Variants in UVRAG observed in about 807,000 individuals in gnomAD.
UVRAG encodes UV radiation resistance associated.
In UVRAG, 19 loss-of-function variants were observed where a neutral mutation model predicts 78.0. That is an observed-to-expected ratio of 0.24 (90% confidence interval 0.17 to 0.36). UVRAG has a LOEUF of 0.36. Among genes scored for constraint, UVRAG ranks in the 10% least tolerant of loss-of-function variants. The pLI, the probability that UVRAG is intolerant of heterozygous loss-of-function variation, is 1.00. For missense variants in UVRAG, 740 were observed against 853.8 expected (o/e 0.87, Z 1.66); for synonymous variants, 323 against 324.6 (o/e 1.00, Z 0.05).
intron 13 of UVRAG, among the ~76,000 whole-genome samples, chr11:76,090,828 G>A (rs1951683646): frequency 6.6e-6 from 1 of 152,210 alleles, no homozygotes; most frequent in South Asian, 2.1e-4. Context: ...TACATATCGG[G>A]TATTCACACA....
At chr11:75,917,501 C>A (rs1476866523) in intron 6 of UVRAG, among the ~76,000 whole-genome samples, 1 of 152,190 alleles carries the variant, frequency 6.6e-6, no homozygotes, top group African/African-American at 2.4e-5. Context: ...TAGGTACTCT[C>A]TTGTGTTACT....
chr11:75,834,841 A>G (rs1268074260), intron 1 of UVRAG, among the ~76,000 whole-genome samples: 1 of 152,094 alleles, frequency 6.6e-6, no homozygotes, highest in African/African-American at 2.4e-5. Flanking sequence ...AACCAACAAA[A>G]AAACCAAAAA....
At chr11:75,866,771 A>G (rs1244644978) in intron 3 of UVRAG, among the ~76,000 whole-genome samples, 1 of 152,208 alleles carries the variant, frequency 6.6e-6, no homozygotes, top group Non-Finnish European at 1.5e-5. Flanking sequence ...AACAAACAAA[A>G]TATGTTTAGT....
chr11:75,959,226 G>A (rs1282790731), intron 6 of UVRAG, among the ~76,000 whole-genome samples: 1 of 152,184 alleles, frequency 6.6e-6, no homozygotes, highest in Non-Finnish European at 1.5e-5. Context: ...GCCAGGCATT[G>A]ACTTCTCCTC....
intron 5 of UVRAG, among the ~76,000 whole-genome samples, chr11:75,897,824 A>T (rs1342101997): frequency 7.0e-6 from 1 of 143,080 alleles, no homozygotes; most frequent in East Asian, 2.1e-4. Flanking sequence ...AGCTGCTATA[A>T]TTTATTTATC....
intron 6 of UVRAG, among the ~76,000 whole-genome samples, chr11:75,927,858 T>C (rs1241459982): frequency 1.3e-5 from 2 of 152,178 alleles, no homozygotes; most frequent in Middle Eastern, 3.2e-3. Context: ...ATGTAGAGTT[T>C]TATTTTTTTT....
intron 12 of UVRAG, among the ~76,000 whole-genome samples, chr11:76,044,889 G>A (rs1950718129): frequency 6.9e-6 from 1 of 144,656 alleles, no homozygotes; most frequent in African/African-American, 2.9e-5. Context: ...GAACTGAACA[G>A]CAGGTGAAAG....
chr11:75,815,849 C>A (rs1945253747), intron 1 of UVRAG, among the ~76,000 whole-genome samples: 1 of 152,202 alleles, frequency 6.6e-6, no homozygotes, highest in African/African-American at 2.4e-5. Context: ...CCCGCGCAGA[C>A]CCTCTCCCTC....
chr11:75,975,825 G>A (rs1411935011), intron 7 of UVRAG, among the ~76,000 whole-genome samples: 1 of 152,194 alleles, frequency 6.6e-6, no homozygotes, highest in African/African-American at 2.4e-5. Flanking sequence ...GGGACAATTT[G>A]ACTTCCTCTT....
At chr11:75,841,915 G>T (rs1590922695) in intron 1 of UVRAG, among the ~76,000 whole-genome samples, 1 of 152,120 alleles carries the variant, frequency 6.6e-6, no homozygotes, top group East Asian at 1.9e-4. Flanking sequence ...GAAATCTGCA[G>T]TTTGGTCTGA....
At chr11:76,069,037 A>G (rs1374424842) in intron 13 of UVRAG, among the ~76,000 whole-genome samples, 1 of 152,278 alleles carries the variant, frequency 6.6e-6, no homozygotes, top group Non-Finnish European at 1.5e-5. Context: ...TACTGCATCC[A>G]TAACTTGGTT....
intron 14 of UVRAG, among the ~76,000 whole-genome samples, chr11:76,130,626 C>G (rs1952496560): frequency 1.3e-5 from 2 of 152,204 alleles, no homozygotes; most frequent in African/African-American, 4.8e-5. Context: ...GGTGGCAGAG[C>G]TATCCATTTT....
chr11:76,028,367 C>CT (rs1299896772), intron 12 of UVRAG, among the ~76,000 whole-genome samples: 1 of 152,004 alleles, frequency 6.6e-6, no homozygotes, highest in Non-Finnish European at 1.5e-5. Context: ...ATAATGGCCT[C>CT]TAAGTGTTCA....
At chr11:76,117,906 A>G (rs1952211886) in intron 14 of UVRAG, among the ~76,000 whole-genome samples, 1 of 152,216 alleles carries the variant, frequency 6.6e-6, no homozygotes, top group Non-Finnish European at 1.5e-5. Flanking sequence ...GAAAAGGAAA[A>G]TACCTCCAAT....
chr11:75,856,516 C>T (rs750876463), intron 2 of UVRAG, among the ~76,000 whole-genome samples: 1 of 152,040 alleles, frequency 6.6e-6, no homozygotes, highest in Non-Finnish European at 1.5e-5. Context: ...AGAATCACAG[C>T]TCACTATAGC....
At chr11:75,819,979 TC>T in intron 1 of UVRAG, among the ~76,000 whole-genome samples, 1 of 152,160 alleles carries the variant, frequency 6.6e-6, no homozygotes. Context: ...AAAAATTATT[TC>T]GTTCTTTTAT....
intron 5 of UVRAG, among the ~76,000 whole-genome samples, chr11:75,892,015 A>G (rs1947222571): frequency 6.6e-6 from 1 of 152,318 alleles, no homozygotes; most frequent in Middle Eastern, 3.4e-3. Context: ...TATGTGACTA[A>G]AAGAGTTTGC....
At chr11:75,896,376 G>C (rs1250363298) in intron 5 of UVRAG, among the ~76,000 whole-genome samples, 1 of 152,180 alleles carries the variant, frequency 6.6e-6, no homozygotes, top group African/African-American at 2.4e-5. Flanking sequence ...AATGTATACA[G>C]GTAAGATTAT....
At chr11:76,014,043 G>C (rs940624628) in intron 11 of UVRAG, among the ~76,000 whole-genome samples, 2 of 152,140 alleles carry the variant, frequency 1.3e-5, no homozygotes, top group African/African-American at 4.8e-5. Flanking sequence ...AATTTTCAGT[G>C]TGTGCTATTT....
Sources: allele counts gnomAD v4.1 joint callset (sites outside exome capture counted in the v4.1 genomes callset), GRCh38; gene constraint gnomAD v4.1.1; transcripts MANE v1.5; gene names NCBI Gene and HGNC (gene_info 2026-07-23, HGNC 2026-07-21).